The following SLC20A2 variants were observed in gnomAD, a reference collection of about 807,000 sequenced individuals.
SLC20A2 encodes the protein solute carrier family 20 member 2.
A neutral mutation model predicts 61.0 loss-of-function variants in SLC20A2; 30 were observed. The observed-to-expected ratio is 0.49, with a 90% CI of 0.37 to 0.67. SLC20A2 has a LOEUF of 0.67. SLC20A2 is among the 30% of genes least tolerant of loss of function. The probability of loss-of-function intolerance (pLI) is 0.00; values close to 1 mark genes in which losing one functional copy is unlikely to be tolerated. For synonymous variants in SLC20A2, 351 were observed against 353.3 expected, an observed-to-expected ratio of 0.99 and a Z score of 0.07; for missense variants, 626 against 866.4, an observed-to-expected ratio of 0.72 and a Z score of 3.48.
intron 5 of SLC20A2, among the ~76,000 whole-genome samples, chr8:42,452,279 T>G (rs1586076414): frequency 2.0e-5 from 2 of 100,930 alleles, no homozygotes; most frequent in African/African-American, 4.0e-5. Flanking sequence ...GAGGAAGAGA[T>G]GGAACAGGAA....
intron 1 of SLC20A2, among the ~76,000 whole-genome samples, chr8:42,489,434 C>G (rs1452393507): frequency 1.4e-5 from 2 of 147,700 alleles, no homozygotes; most frequent in African/African-American, 2.5e-5. Flanking sequence ...CTGTCTGCCC[C>G]CCCCACCCCG....
At chr8:42,538,977 C>A (rs930116904) in intron 1 of SLC20A2, among the ~76,000 whole-genome samples, 1 of 152,088 alleles carries the variant, frequency 6.6e-6, no homozygotes, top group Non-Finnish European at 1.5e-5. Flanking sequence ...GTCAGGAGAT[C>A]GAGACCATCC....
intron 5 of SLC20A2, among the ~76,000 whole-genome samples, chr8:42,447,706 G>A (rs1259112429): frequency 6.6e-6 from 1 of 152,246 alleles, no homozygotes; most frequent in African/African-American, 2.4e-5. Flanking sequence ...TTTTATAATT[G>A]TAAGAGATAG....
chr8:42,456,826 CATT>C (rs1480718806), intron 5 of SLC20A2, among the ~76,000 whole-genome samples: 3 of 151,906 alleles, frequency 2.0e-5, no homozygotes, highest in African/African-American at 7.3e-5. Flanking sequence ...AATTACCTGG[CATT>C]ATGAGATGTT....
chr8:42,472,076 A>T lies in SLC20A2; in HGVS notation c.289+26T>A. 6.2e-7 allele frequency: 1 copy of T among 1,605,656 alleles called. No individual in the cohort carries two copies. Among genetic ancestry groups the T allele is most frequent in the Non-Finnish European group, 8.5e-7 (1 of 1,174,470 alleles). ...AAGCGGGTCAGTGGGCGGATGTCCC[A>T]TCGGTATAGAGAAGAGGCTACTCAC... On this transcript the variant is annotated intron_variant, in intron 2 of 10. Coordinates refer to ENST00000520262, the MANE Select transcript of SLC20A2 (RefSeq NM_001257180.2). The surrounding 1 kb of genome is among the most constrained non-coding windows in gnomAD (Gnocchi z 4.1).
intron 1 of SLC20A2, among the ~76,000 whole-genome samples, chr8:42,493,954 T>TCTTG (rs1201011027): frequency 1.3e-5 from 2 of 152,050 alleles, no homozygotes; most frequent in Non-Finnish European, 2.9e-5. Context: ...CCAGCCTGGG[T>TCTTG]AACATAGCGA....
chr8:42,534,419 G>A (rs1812579842), intron 1 of SLC20A2, among the ~76,000 whole-genome samples: 1 of 152,054 alleles, frequency 6.6e-6, no homozygotes, highest in Admixed American at 6.6e-5. Context: ...ATGTTTTTCT[G>A]GTTTCCTAGA....
At chr8:42,529,996 C>G (rs1402277239) in intron 1 of SLC20A2, among the ~76,000 whole-genome samples, 1 of 152,094 alleles carries the variant, frequency 6.6e-6, no homozygotes, top group Non-Finnish European at 1.5e-5. Context: ...TATCCAAATA[C>G]CAACATTTTA....
chr8:42,424,482 A>G (rs946062746), intron 10 of SLC20A2, among the ~76,000 whole-genome samples: 3 of 152,310 alleles, frequency 2.0e-5, no homozygotes, highest in Admixed American at 6.5e-5. Flanking sequence ...TACCTGGCCA[A>G]TTAAGGCTTT....
At chr8:42,464,139 T>TCTGTCACCC (rs1300465301) in intron 3 of SLC20A2, among the ~76,000 whole-genome samples, 1 of 121,962 alleles carries the variant, frequency 8.2e-6, no homozygotes, top group Non-Finnish European at 1.7e-5. Flanking sequence ...AGGGTCTTGC[T>TCTGTCACCC]CTGTCACCCA....
intron 1 of SLC20A2, among the ~76,000 whole-genome samples, chr8:42,513,896 CA>C (rs1811171217): frequency 6.6e-6 from 1 of 152,088 alleles, no homozygotes; most frequent in Non-Finnish European, 1.5e-5. Flanking sequence ...TCAGTACAGG[CA>C]AAGGCTCAGG....
intron 1 of SLC20A2, among the ~76,000 whole-genome samples, chr8:42,529,098 C>A (rs1428792427): frequency 1.3e-5 from 2 of 151,984 alleles, no homozygotes; most frequent in African/African-American, 2.4e-5. Flanking sequence ...CTTCACTTTC[C>A]CAAGTAGATG....
chr8:42,473,674 T>C (rs1364762893), intron 1 of SLC20A2, among the ~76,000 whole-genome samples: 2 of 152,218 alleles, frequency 1.3e-5, no homozygotes, highest in Non-Finnish European at 2.9e-5. Context: ...GCAAGCTTCG[T>C]AATTATGGTA....
At chr8:42,487,670 T>C (rs761141900) in intron 1 of SLC20A2, among the ~76,000 whole-genome samples, 5 of 152,190 alleles carry the variant, frequency 3.3e-5, no homozygotes, top group Non-Finnish European at 7.3e-5. Context: ...CTAGCGAACT[T>C]GTCATCTTGG....
chr8:42,532,714 A>G (rs1374414692), intron 1 of SLC20A2, among the ~76,000 whole-genome samples: 1 of 152,224 alleles, frequency 6.6e-6, no homozygotes, highest in Non-Finnish European at 1.5e-5. Context: ...AAAACAAAAT[A>G]AATGTGGAGA....
chr8:42,445,299 AC>A (rs1805126294), intron 5 of SLC20A2, among the ~76,000 whole-genome samples: 1 of 152,110 alleles, frequency 6.6e-6, no homozygotes, highest in African/African-American at 2.4e-5. Flanking sequence ...CTCAAAAAAA[AC>A]AATAAATAAA....
intron 1 of SLC20A2, among the ~76,000 whole-genome samples, chr8:42,499,976 A>G (rs914770212): frequency 2.0e-5 from 3 of 152,126 alleles, no homozygotes; most frequent in Admixed American, 6.5e-5. Flanking sequence ...TTGACACTTT[A>G]TGTCATTTGC....
In SLC20A2 at chr8:42,472,729, G is replaced by A. The variant is rs190652159; in HGVS notation, c.-264-75C>T. ...ACAGTTTGTTCTTTCAGAAATAAAT[G>A]TTTTAAGCCTGCTAATGGGATCTAA... On this transcript the variant is annotated intron_variant, in intron 1 of 10. Coordinates refer to ENST00000520262, the MANE Select transcript of SLC20A2 (RefSeq NM_001257180.2). The surrounding 1 kb of genome is among the most constrained non-coding windows in gnomAD (Gnocchi z 4.1). 2.3e-4 allele frequency: 51 copies of A among 217,144 alleles called. No individual in the cohort carries two copies. Among genetic ancestry groups the A allele is most frequent in the African/African-American group, 1.1e-3 (49 of 43,448 alleles). 13.5% of individuals were successfully genotyped at this position (217,144 alleles called of 1,614,324 possible). A position where few individuals can be genotyped will look rare whatever the true frequency, so the allele number is the denominator to read the frequency against.
upstream of SLC20A2, among the ~76,000 whole-genome samples, chr8:42,504,852 CAAAAAAAAAAAAAAAA>C (rs771127709): frequency 1.6e-3 from 26 of 16,494 alleles, no homozygotes; most frequent in African/African-American, 3.0e-3. Flanking sequence ...GACTCCGTCT[CAAAAAAAAAAAAAAAA>C]AAAAAAAAAA....
Sources: gnomAD v4.1 joint callset for allele counts (sites outside exome capture counted in the v4.1 genomes callset) on GRCh38, gnomAD v4.1.1 for gene constraint, Gnocchi (gnomAD v3.1) non-coding constraint, MANE v1.5 for transcripts, NCBI Gene and HGNC (gene_info 2026-07-23, HGNC 2026-07-21) for gene names.